Variants in SELENOT observed in about 807,000 individuals in gnomAD.
SELENOT encodes thioredoxin reductase-like selenoprotein T.
A neutral mutation model predicts 24.3 loss-of-function variants in SELENOT; 9 were observed. The observed-to-expected ratio is 0.37, with a 90% CI of 0.22 to 0.65. The LOEUF (loss-of-function observed/expected upper bound fraction) is 0.65. SELENOT is among the 30% of genes least tolerant of loss of function. The probability of loss-of-function intolerance (pLI) is 0.60; values close to 1 mark genes in which losing one functional copy is unlikely to be tolerated. For synonymous variants in SELENOT, 81 were observed against 86.0 expected, an observed-to-expected ratio of 0.94 and a Z score of 0.32; for missense variants, 166 against 247.6, an observed-to-expected ratio of 0.67 and a Z score of 2.21.
At chr3:150,609,745 A>G (rs1316348272) in intron 1 of SELENOT, among the ~76,000 whole-genome samples, 1 of 152,152 alleles carries the variant, frequency 6.6e-6, no homozygotes, top group Non-Finnish European at 1.5e-5. Context: ...TTGACCAGCT[A>G]TTTGGTTCTC....
chr3:150,625,020 G>C (rs1293782621), intron 4 of SELENOT, 121 bp downstream of exon 4: 1 of 489,414 alleles, frequency 2.0e-6, no homozygotes, highest in African/African-American at 2.0e-5. Flanking sequence ...AAGTTTATTT[G>C]AAAGAAATTG....
chr3:150,614,411 G>GTT (rs878859579), intron 1 of SELENOT, among the ~76,000 whole-genome samples: 98 of 144,332 alleles, frequency 6.8e-4, no homozygotes, highest in African/African-American at 2.3e-3. Flanking sequence ...ATGGAGGTGG[G>GTT]TTTTTTTTTT....
intron 1 of SELENOT, chr3:150,611,528 C>G: frequency 9.0e-7 from 1 of 1,109,864 alleles, no homozygotes; most frequent in Non-Finnish European, 1.4e-6. Context: ...CCATCATCAT[C>G]ACTCCCTTTT....
intron 1 of SELENOT, among the ~76,000 whole-genome samples, chr3:150,617,497 G>A (rs758047946): frequency 3.9e-5 from 6 of 152,140 alleles, no homozygotes; most frequent in Non-Finnish European, 8.8e-5. Context: ...TTATTGAGGA[G>A]ACTGAGGCAG....
chr3:150,610,421 A>G (rs1274013624), intron 1 of SELENOT, among the ~76,000 whole-genome samples: 1 of 152,226 alleles, frequency 6.6e-6, no homozygotes, highest in African/African-American at 2.4e-5. Context: ...TTAGTAACCA[A>G]AAACAGTCTT....
intron 1 of SELENOT, among the ~76,000 whole-genome samples, chr3:150,616,893 C>T (rs1359985358): frequency 6.6e-6 from 1 of 152,242 alleles, no homozygotes; most frequent in African/African-American, 2.4e-5. Flanking sequence ...CACCTCCTGC[C>T]TTGGCCTCCC....
intron 3 of SELENOT, among the ~76,000 whole-genome samples, chr3:150,624,572 G>A (rs1275859044): frequency 6.6e-6 from 1 of 152,030 alleles, no homozygotes; most frequent in Non-Finnish European, 1.5e-5. Flanking sequence ...GTATTCTTTT[G>A]TTTAACTTAT....
chr3:150,625,218 A>G (rs1199874643), intron 4 of SELENOT, among the ~76,000 whole-genome samples: 1 of 152,086 alleles, frequency 6.6e-6, no homozygotes, highest in Non-Finnish European at 1.5e-5. Flanking sequence ...TAACATCTGT[A>G]TGATGATCCC....
At chr3:150,603,794 C>T (rs559913878) in intron 1 of SELENOT, 44 of 247,344 alleles carry the variant, frequency 1.8e-4, no homozygotes, top group African/African-American at 8.9e-4. Context: ...CCTGTTAGTA[C>T]GGAGGACTGG....
intron 1 of SELENOT, among the ~76,000 whole-genome samples, chr3:150,617,853 G>GGTTTGGTTTA (rs1726253804): frequency 6.6e-6 from 1 of 151,952 alleles, no homozygotes. Flanking sequence ...GGTTTGGTTT[G>GGTTTGGTTTA]GTTTGGTTTT....
At chr3:150,625,870 C>CTTTT (rs34698339) in intron 4 of SELENOT, among the ~76,000 whole-genome samples, 3 of 139,306 alleles carry the variant, frequency 2.2e-5, no homozygotes, top group Non-Finnish European at 4.7e-5. Flanking sequence ...TAAACAATAA[C>CTTTT]TTTTTTTTTT....
At position 150,605,966 on chromosome 3, in the gene SELENOT, T is replaced by C. The variant is rs574739764; in HGVS notation, c.137+2467T>C. On this transcript the variant is annotated intron_variant, in intron 1 of 5. Transcript: ENST00000471696. ...TTTACCTTCATTTCCACTGACTTTT[T>C]CCCCTTATAGTGATCATGAGTATTT... Among the ~76,000 whole-genome samples, 3 of 152,310 alleles carry C rather than the reference T, an allele frequency of 2.0e-5. No homozygotes were observed. In the East Asian group the frequency reaches 5.8e-4, roughly 29 times the overall value.
At position 150,630,135 on chromosome 3, in the gene SELENOT, A is replaced by G. The variant is rs1289337550; in HGVS notation, c.*2506A>G. 6.6e-6 allele frequency: 1 copy of G among 152,246 alleles called. No individual in the cohort carries two copies. The highest frequency in any genetic ancestry group is 1.9e-4 in the East Asian group (1 of 5,204). The allele number at this position is 152,246 out of a possible 1,614,324, so 9.4% of individuals were successfully genotyped here. On this transcript the variant is annotated 3_prime_UTR_variant, in exon 6 of 6. Coordinates refer to ENST00000471696, the MANE Select transcript of SELENOT (RefSeq NM_016275.5). ...GTGATATTATTTGCTTATGACACTA[A>G]CACTATTAATGACAGGAGTCAATCA...
intron 1 of SELENOT, among the ~76,000 whole-genome samples, 166 bp from the exon 2 acceptor site, chr3:150,622,219 G>A (rs1230575823): frequency 6.6e-6 from 1 of 151,856 alleles, no homozygotes; most frequent in Non-Finnish European, 1.5e-5. Context: ...TATGTGAAAT[G>A]TATTTAAAAA....
chr3:150,620,384 A>T (rs938774105), intron 1 of SELENOT, among the ~76,000 whole-genome samples: 2 of 152,142 alleles, frequency 1.3e-5, no homozygotes, highest in African/African-American at 4.8e-5. Context: ...GAATCATCTA[A>T]TTGTTAAATT....
chr3:150,611,049 TTTC>T (rs1270951995), intron 1 of SELENOT, among the ~76,000 whole-genome samples: 4 of 148,522 alleles, frequency 2.7e-5, no homozygotes, highest in African/African-American at 1.0e-4. Flanking sequence ...TTGTTTTTGT[TTTC>T]TTTTTTAATA....
chr3:150,625,434 C>T (rs778872535), intron 4 of SELENOT, among the ~76,000 whole-genome samples: 2 of 151,998 alleles, frequency 1.3e-5, no homozygotes, highest in African/African-American at 2.4e-5. Context: ...ATAATATCAC[C>T]GTCTTCCCTA....
intron 1 of SELENOT, among the ~76,000 whole-genome samples, chr3:150,615,592 A>G (rs1726192998): frequency 6.6e-6 from 1 of 152,184 alleles, no homozygotes; most frequent in Non-Finnish European, 1.5e-5. Context: ...GTGAACTCCC[A>G]TTCACAATTG....
intron 4 of SELENOT, 110 bp from the exon 5 acceptor site, chr3:150,626,900 C>T: frequency 8.1e-6 from 9 of 1,105,418 alleles, no homozygotes; most frequent in Admixed American, 5.7e-5. Flanking sequence ...TACTTTTTTG[C>T]CTACTTTTGT....
Sources: gnomAD v4.1 joint callset for allele counts (sites outside exome capture counted in the v4.1 genomes callset) on GRCh38, gnomAD v4.1.1 for gene constraint, MANE v1.5 for transcripts, NCBI Gene and HGNC (gene_info 2026-07-23, HGNC 2026-07-21) for gene names.